ABHD12: variants seen among roughly 807,000 people sequenced by gnomAD.
The protein encoded by ABHD12 is abhydrolase domain containing 12, lysophospholipase.
In ABHD12, 43 loss-of-function variants were observed where a neutral mutation model predicts 58.3. The ratio of observed to expected loss-of-function variants is 0.74; its 90% CI spans 0.58 to 0.95. The LOEUF is 0.95. Ranked by LOEUF, ABHD12 falls within the 40% of genes least tolerant of loss-of-function variation. The probability of loss-of-function intolerance (pLI) is 0.00; values close to 1 mark genes in which losing one functional copy is unlikely to be tolerated. For missense variants in ABHD12, 539 were observed against 537.2 expected, an observed-to-expected ratio of 1.00 and a Z score of -0.03; for synonymous variants, 219 against 211.2, an observed-to-expected ratio of 1.04 and a Z score of -0.32.
chr20:25,356,864 C>T (rs906656850), intron 1 of ABHD12, among the ~76,000 whole-genome samples: 1 of 152,148 alleles, frequency 6.6e-6, no homozygotes, highest in Admixed American at 6.5e-5. Context: ...TGAGGCCGCA[C>T]AGTGCACGCA....
chr20:25,298,565 T>C (rs144140732), downstream of ABHD12, among the ~76,000 whole-genome samples: 7 of 152,304 alleles, frequency 4.6e-5, no homozygotes, highest in Non-Finnish European at 8.8e-5. Context: ...AAGCTAGCTA[T>C]TTTCTAAAAA....
chr20:25,367,226 T>C (rs754847971), intron 1 of ABHD12, among the ~76,000 whole-genome samples: 2 of 152,172 alleles, frequency 1.3e-5, no homozygotes, highest in African/African-American at 4.8e-5. Flanking sequence ...AGTGTGTCCA[T>C]ACACTGAGAT....
chr20:25,309,322 G>C (rs778543008), intron 7 of ABHD12, 124 bp downstream of exon 7: 61 of 1,423,392 alleles, frequency 4.3e-5, no homozygotes, highest in Non-Finnish European at 5.8e-5. Flanking sequence ...GGATGGGAGC[G>C]AGGCTGGTCG....
chr20:25,363,221 C>CTTT (rs541419840), intron 1 of ABHD12, among the ~76,000 whole-genome samples: 5 of 133,498 alleles, frequency 3.7e-5, no homozygotes, highest in Non-Finnish European at 4.9e-5. Flanking sequence ...TGACATTTTA[C>CTTT]TTTTTTTTTT....
intron 1 of ABHD12, among the ~76,000 whole-genome samples, chr20:25,376,682 C>T (rs2089966271): frequency 6.6e-6 from 1 of 152,188 alleles, no homozygotes; most frequent in Non-Finnish European, 1.5e-5. Context: ...ATCTTTGTTG[C>T]CGTGTTTCTC....
chr20:25,344,016 AATCACATGATC>A (rs2089487658), intron 1 of ABHD12, among the ~76,000 whole-genome samples: 1 of 152,194 alleles, frequency 6.6e-6, no homozygotes, highest in Non-Finnish European at 1.5e-5. Flanking sequence ...AAAAAAGAAA[AATCACATGATC>A]ATATAAATAG....
At chr20:25,365,181 A>AT (rs1376838083) in intron 1 of ABHD12, among the ~76,000 whole-genome samples, 1 of 152,244 alleles carries the variant, frequency 6.6e-6, no homozygotes, top group African/African-American at 2.4e-5. Flanking sequence ...GAAAAAGGTC[A>AT]TATGTTTACA....
intron 1 of ABHD12, among the ~76,000 whole-genome samples, chr20:25,356,512 A>G (rs1352387402): frequency 6.6e-6 from 1 of 152,250 alleles, no homozygotes; most frequent in Non-Finnish European, 1.5e-5. Flanking sequence ...GCAGCTGGGC[A>G]GGGAGTGTGG....
chr20:25,332,677 GA>G (rs1279135549), intron 2 of ABHD12, among the ~76,000 whole-genome samples: 2 of 149,912 alleles, frequency 1.3e-5, no homozygotes, highest in African/African-American at 5.0e-5. Context: ...CAACTACATG[GA>G]AACTGAACAA....
intron 6 of ABHD12, among the ~76,000 whole-genome samples, chr20:25,314,564 AGCTACTC>A (rs2088924641): frequency 6.6e-6 from 1 of 152,050 alleles, no homozygotes. Context: ...CTGCAGTCAC[AGCTACTC>A]GAGAGCCTAA....
chr20:25,338,155 A>G (rs989125039), intron 2 of ABHD12, among the ~76,000 whole-genome samples: 2 of 152,112 alleles, frequency 1.3e-5, no homozygotes, highest in Non-Finnish European at 2.9e-5. Flanking sequence ...ATAAGCCCAG[A>G]TGCCTGCAGA....
At chr20:25,372,896 A>G (rs2089916045) in intron 1 of ABHD12, among the ~76,000 whole-genome samples, 2 of 152,236 alleles carry the variant, frequency 1.3e-5, no homozygotes, top group Admixed American at 1.3e-4. Context: ...AGCAACCTCC[A>G]GTCCTGCAGG....
At chr20:25,317,157 A>C in intron 4 of ABHD12, 79 bp from the exon 5 acceptor site, 1 of 940,254 alleles carries the variant, frequency 1.1e-6, no homozygotes, top group Non-Finnish European at 1.7e-6. Flanking sequence ...CCATACCCCA[A>C]ACCAGGGGGA....
chr20:25,295,243 C>T (rs2088522352), downstream of ABHD12, among the ~76,000 whole-genome samples: 1 of 152,272 alleles, frequency 6.6e-6, no homozygotes, highest in Non-Finnish European at 1.5e-5. Context: ...CAAGTGCCCC[C>T]TGCCCTGAGG....
chr20:25,385,331 C>A (rs1327583515), intron 1 of ABHD12, among the ~76,000 whole-genome samples: 38 of 51,722 alleles, frequency 7.3e-4, no homozygotes, highest in Admixed American at 1.4e-3. Flanking sequence ...GAGTGAGACT[C>A]AAAAAAAAAA....
chr20:25,306,961 T>C (rs1600767701), intron 9 of ABHD12, 46 bp from the exon 10 acceptor site: 1 of 1,402,648 alleles, frequency 7.1e-7, no homozygotes, highest in Non-Finnish European at 1.0e-6. Context: ...GGTTAAGATA[T>C]CCAGGCACAG....
downstream of ABHD12, among the ~76,000 whole-genome samples, chr20:25,299,059 A>T (rs1600754540): frequency 6.7e-6 from 1 of 148,868 alleles, no homozygotes; most frequent in Admixed American, 6.7e-5. Flanking sequence ...GCTGCCACAC[A>T]GTGCACCCTT....
downstream of ABHD12, chr20:25,296,426 C>CTA: frequency 6.2e-7 from 1 of 1,614,104 alleles, no homozygotes; most frequent in East Asian, 2.2e-5. Flanking sequence ...CGGGCAAGTT[C>CTA]TCCAGTGACC....
chr20:25,380,840 C>A (rs1003738014), intron 1 of ABHD12, among the ~76,000 whole-genome samples: 4 of 152,174 alleles, frequency 2.6e-5, no homozygotes, highest in African/African-American at 9.7e-5. Context: ...TGAACTCTAT[C>A]CCCTATCCAC....
Sources: gnomAD v4.1 joint callset for allele counts (sites outside exome capture counted in the v4.1 genomes callset) on GRCh38, gnomAD v4.1.1 for gene constraint, MANE v1.5 for transcripts, NCBI Gene and HGNC (gene_info 2026-07-23, HGNC 2026-07-21) for gene names.